Variants in ZNF236 observed in about 807,000 individuals in gnomAD.
ZNF236 encodes zinc finger protein 236, also known as regulated by glucose.
In ZNF236, 50 loss-of-function variants were observed where a neutral mutation model predicts 191.2. The ratio of observed to expected loss-of-function variants is 0.26; its 90% confidence interval spans 0.21 to 0.33. The LOEUF is 0.33. Among genes scored for constraint, ZNF236 ranks in the 10% least tolerant of loss-of-function variants. ZNF236 has a pLI of 1.00. For missense variants in ZNF236, 1,754 were observed against 2,374.5 expected (o/e 0.74, Z 5.43); for synonymous variants, 907 against 928.8 (o/e 0.98, Z 0.43).
At chr18:76,864,337 T>A (rs1976337451) in intron 3 of ZNF236, among the ~76,000 whole-genome samples, 1 of 152,022 alleles carries the variant, frequency 6.6e-6, no homozygotes, top group South Asian at 2.1e-4. Flanking sequence ...GTAGCTGGGA[T>A]TACAGGCATC....
intron 1 of ZNF236, among the ~76,000 whole-genome samples, chr18:76,823,946 C>T (rs1974944940): frequency 6.6e-6 from 1 of 152,150 alleles, no homozygotes; most frequent in South Asian, 2.1e-4. Flanking sequence ...AGCGGCGCTC[C>T]GCGTTTGGAA....
Position 76,927,191 on chromosome 18 carries a change from C to G in ZNF236, c.4173+9C>G, listed in dbSNP as rs1568234224. On this transcript the variant is annotated intron_variant, in intron 23 of 30. Transcript: ENST00000320610. This position sits in a 1 kb window ranked among gnomAD's most constrained non-coding sequence, Gnocchi z 5.4. ...ATAACATTACGTTGCAGGTATGACACCTTCCATGGTCTCCTGTGCTGTAAT... is the reference window on the plus strand; with the variant it reads ...ATAACATTACGTTGCAGGTATGACAGCTTCCATGGTCTCCTGTGCTGTAAT... 2.5e-6 allele frequency: 4 copies of G among 1,612,430 alleles called. No homozygotes were observed. The highest frequency in any genetic ancestry group is 2.2e-5 in the East Asian group (1 of 44,856).
chr18:76,862,152 C>T (rs1317409286), intron 3 of ZNF236, among the ~76,000 whole-genome samples: 6 of 152,134 alleles, frequency 3.9e-5, no homozygotes, highest in Non-Finnish European at 8.8e-5. Flanking sequence ...CGTGAGCCAC[C>T]CTGCCCGGCC....
intron 25 of ZNF236, among the ~76,000 whole-genome samples, chr18:76,928,695 C>G (rs553779543): frequency 5.3e-5 from 8 of 152,216 alleles, no homozygotes; most frequent in Non-Finnish European, 5.9e-5. Context: ...TGACTTTTCT[C>G]CTTGTGTGCC....
intron 10 of ZNF236, among the ~76,000 whole-genome samples, chr18:76,897,251 G>A (rs1435345715): frequency 2.0e-5 from 3 of 150,450 alleles, no homozygotes; most frequent in African/African-American, 7.4e-5. Flanking sequence ...CTGCCCACTG[G>A]TACCTCATAT....
chr18:76,848,532 T>A (rs1400287546), intron 1 of ZNF236, among the ~76,000 whole-genome samples: 2 of 152,230 alleles, frequency 1.3e-5, no homozygotes, highest in East Asian at 1.9e-4. Flanking sequence ...ATAGTCTTAT[T>A]TGAAAATACT....
chr18:76,907,517 T>G (rs1977776549), intron 13 of ZNF236, among the ~76,000 whole-genome samples: 1 of 152,086 alleles, frequency 6.6e-6, no homozygotes, highest in Non-Finnish European at 1.5e-5. Flanking sequence ...GTAGTAGAGA[T>G]GGGGTTTCAC....
rs1215801242 is a variant in ZNF236, at chr18:76,927,500, T to C, written c.4397T>C (p.Leu1466Pro). The C allele has an allele frequency of 6.2e-7, 1 of 1,614,072 alleles. No individual in the cohort carries two copies. The highest frequency in any genetic ancestry group is 2.2e-5 in the East Asian group (1 of 44,872). Reference sequence around the variant, plus strand: ...CCGCTGTCTGAGCAGGATTCAGTGCTGACCACTAACAGCAGTGGTAAGAGC... The same window carrying C: ...CCGCTGTCTGAGCAGGATTCAGTGCCGACCACTAACAGCAGTGGTAAGAGC... ...IGPLSEQDSV[L>P]TTNSSGTQDL... is the part of the protein sequence containing the mutation. Residue 1466 changes from leucine (L) to proline (P), a missense_variant, in exon 24 of 31, where the codon CTG becomes CCG. Coordinates refer to ENST00000320610, the MANE Select transcript of ZNF236 (RefSeq NM_001306089.2). The surrounding 1 kb of genome is among the most constrained non-coding windows in gnomAD (Gnocchi z 5.4).
intron 1 of ZNF236, among the ~76,000 whole-genome samples, chr18:76,823,367 T>C (rs1027043203): frequency 2.7e-5 from 4 of 150,344 alleles, no homozygotes; most frequent in Non-Finnish European, 1.5e-5. Context: ...GTGCATACAG[T>C]AGGCGCCATT....
chr18:76,940,726 T>C (rs1968116450), intron 26 of ZNF236, among the ~76,000 whole-genome samples: 1 of 152,222 alleles, frequency 6.6e-6, no homozygotes, highest in African/African-American at 2.4e-5. Flanking sequence ...ATTGTCTAGG[T>C]TGTATTTTTA....
In ZNF236 at chr18:76,919,751, A is replaced by G; in HGVS notation, c.3275-25A>G. On this transcript the variant is annotated intron_variant, in intron 19 of 30. Transcript: ENST00000320610. The surrounding 1 kb of genome is among the most constrained non-coding windows in gnomAD (Gnocchi z 5.3). ...CTAGGTTTTCTTCATTACGATTTTGATCCCTTTTCCTTGATTTTGTGTAGA... is the reference window on the plus strand; with the variant it reads ...CTAGGTTTTCTTCATTACGATTTTGGTCCCTTTTCCTTGATTTTGTGTAGA... 1 of 1,604,092 alleles carries G rather than the reference A, an allele frequency of 6.2e-7. No individual in the cohort carries two copies. Among genetic ancestry groups the G allele is most frequent in the East Asian group, 2.2e-5 (1 of 44,596 alleles).
chr18:76,914,556 A>G (rs1416574975), intron 18 of ZNF236, among the ~76,000 whole-genome samples: 1 of 152,108 alleles, frequency 6.6e-6, no homozygotes, highest in East Asian at 1.9e-4. Flanking sequence ...GCCAATGGCT[A>G]TTATTGCTTC....
intron 14 of ZNF236, 134 bp downstream of exon 14, chr18:76,908,707 T>C (rs1184571879): frequency 1.8e-6 from 2 of 1,139,122 alleles, no homozygotes; most frequent in African/African-American, 1.5e-5. Flanking sequence ...AGAGATTGAA[T>C]TGAGTATTTG....
At chr18:76,921,332 A>G (rs1175610090) in intron 20 of ZNF236, among the ~76,000 whole-genome samples, 5 of 152,226 alleles carry the variant, frequency 3.3e-5, no homozygotes, top group African/African-American at 1.2e-4. Context: ...TGAGCCATGC[A>G]GTGAAGTTCC....
chr18:76,896,284 C>T (rs947103122), intron 10 of ZNF236, among the ~76,000 whole-genome samples: 6 of 151,202 alleles, frequency 4.0e-5, no homozygotes, highest in Admixed American at 4.0e-4. Flanking sequence ...AAACATAGTA[C>T]CACACACAGG....
At chr18:76,823,529 C>T (rs938813037) in intron 1 of ZNF236, among the ~76,000 whole-genome samples, 6 of 152,116 alleles carry the variant, frequency 3.9e-5, no homozygotes, top group African/African-American at 1.4e-4. Flanking sequence ...ATGTGGGGAG[C>T]GCTAGATCGT....
At chr18:76,872,551 C>T (rs1444797629) in intron 5 of ZNF236, among the ~76,000 whole-genome samples, 2 of 152,220 alleles carry the variant, frequency 1.3e-5, no homozygotes, top group African/African-American at 4.8e-5. Flanking sequence ...TTTGCCTTCA[C>T]TACGCTATGA....
At chr18:76,864,507 A>G (rs1390637708) in intron 3 of ZNF236, among the ~76,000 whole-genome samples, 2 of 151,836 alleles carry the variant, frequency 1.3e-5, no homozygotes, top group African/African-American at 4.8e-5. Flanking sequence ...GCCAACAAAT[A>G]TTTACACACA....
chr18:76,824,669 A>G (rs995413400), intron 1 of ZNF236, among the ~76,000 whole-genome samples: 1 of 152,200 alleles, frequency 6.6e-6, no homozygotes, highest in Non-Finnish European at 1.5e-5. Context: ...CCATTCCCCC[A>G]GTATCCCCAT....
Sources: allele counts gnomAD v4.1 joint callset (sites outside exome capture counted in the v4.1 genomes callset), GRCh38; gene constraint gnomAD v4.1.1; non-coding constraint Gnocchi (gnomAD v3.1); transcripts MANE v1.5; gene names NCBI Gene and HGNC (gene_info 2026-07-23, HGNC 2026-07-21).